TMTC2: variants seen among roughly 807,000 people sequenced by gnomAD.
TMTC2 encodes the protein protein O-mannosyl-transferase TMTC2.
TMTC2 carries 43 observed loss-of-function variants against 82.4 expected under a neutral mutation model. The observed-to-expected ratio is 0.52, with a 90% CI of 0.41 to 0.67. TMTC2 has a LOEUF of 0.67. Ranked by LOEUF, TMTC2 falls within the 30% of genes least tolerant of loss-of-function variation. The pLI is 0.00. For synonymous variants in TMTC2, 408 were observed against 381.9 expected (o/e 1.07, Z -0.80); for missense variants, 919 against 1,012.4 (o/e 0.91, Z 1.25).
chr12:82,749,493 T>TA (rs1875865324), intron 1 of TMTC2, among the ~76,000 whole-genome samples: 3 of 152,114 alleles, frequency 2.0e-5, no homozygotes, highest in Non-Finnish European at 2.9e-5. Flanking sequence ...TGATGCTTTT[T>TA]TGTTTTTTTT....
chr12:82,875,046 T>C (rs1872412101), intron 2 of TMTC2, among the ~76,000 whole-genome samples: 1 of 152,188 alleles, frequency 6.6e-6, no homozygotes, highest in South Asian at 2.1e-4. Flanking sequence ...GTGAGGGCCA[T>C]ATGGAGTTTA....
chr12:82,783,263 G>C (rs780120514), intron 1 of TMTC2, among the ~76,000 whole-genome samples: 3 of 131,814 alleles, frequency 2.3e-5, no homozygotes, highest in African/African-American at 5.9e-5. Context: ...TTTTTTTGTA[G>C]CTGTTTTAAC....
intron 1 of TMTC2, among the ~76,000 whole-genome samples, chr12:82,784,950 G>A (rs1309427042): frequency 6.6e-6 from 1 of 152,018 alleles, no homozygotes; most frequent in Non-Finnish European, 1.5e-5. Flanking sequence ...TCAGAAAATA[G>A]CTTAGTTTAC....
intron 3 of TMTC2, among the ~76,000 whole-genome samples, chr12:82,929,243 G>A (rs918147820): frequency 3.3e-5 from 5 of 151,738 alleles, no homozygotes; most frequent in East Asian, 1.9e-4. Flanking sequence ...TTGTTGAGAC[G>A]AGGTTTCACC....
intron 1 of TMTC2, among the ~76,000 whole-genome samples, chr12:82,727,096 T>C (rs1366863803): frequency 1.3e-5 from 2 of 151,484 alleles, no homozygotes; most frequent in African/African-American, 2.4e-5. Context: ...GTTGGAACTT[T>C]AAAACTAATT....
At chr12:82,934,082 A>G (rs1227207560) in intron 4 of TMTC2, among the ~76,000 whole-genome samples, 1 of 152,172 alleles carries the variant, frequency 6.6e-6, no homozygotes, top group Non-Finnish European at 1.5e-5. Context: ...ATATGTTATC[A>G]TAGCTTTTCT....
At chr12:82,814,187 C>G (rs1357941169) in intron 1 of TMTC2, among the ~76,000 whole-genome samples, 1 of 152,104 alleles carries the variant, frequency 6.6e-6, no homozygotes, top group Non-Finnish European at 1.5e-5. Flanking sequence ...TTATTAACCA[C>G]TCTGTTAAGT....
At chr12:83,077,462 A>C (rs1883317342) in intron 11 of TMTC2, among the ~76,000 whole-genome samples, 1 of 152,238 alleles carries the variant, frequency 6.6e-6, no homozygotes, top group South Asian at 2.1e-4. Context: ...CAGGTTTATA[A>C]GGATGTCTTC....
intron 1 of TMTC2, among the ~76,000 whole-genome samples, chr12:82,844,422 G>T (rs1870515335): frequency 6.6e-6 from 1 of 152,122 alleles, no homozygotes; most frequent in Non-Finnish European, 1.5e-5. Context: ...TATACCTTTT[G>T]TTCTGCAAAA....
chr12:82,906,581 C>T (rs1366146086), intron 3 of TMTC2, among the ~76,000 whole-genome samples: 1 of 151,942 alleles, frequency 6.6e-6, no homozygotes, highest in Admixed American at 6.6e-5. Context: ...CTCAGCTACT[C>T]GGGAGGCTGA....
In TMTC2 at chr12:82,901,983, G is replaced by T. The variant is rs190675773; in HGVS notation, c.1483+5337G>T. ...CTCTCTGGGCTACTACCTTCACCAA[G>T]TGTTTCTTCTCTTTCCTTATGTCCC... is the stretch of plus-strand genomic sequence containing the variant. On this transcript the variant is annotated intron_variant, in intron 3 of 11. Transcript: ENST00000321196. 2.9e-3 allele frequency among the ~76,000 whole-genome samples: 436 copies of T among 152,272 alleles called. 3 individuals carry two copies. Among genetic ancestry groups the T allele is most frequent in the African/African-American group, 0.01 (423 of 41,562 alleles).
rs57812954 is a variant in TMTC2, at chr12:82,766,336, AG to A, written c.83+78668del. 3.1e-3 allele frequency among the ~76,000 whole-genome samples: 472 copies of A among 152,278 alleles called. 2 individuals carry two copies. The highest frequency in any genetic ancestry group is 0.011 in the African/African-American group (452 of 41,550). ...TCCTAGGGAGAATTCCAATGAGCTAAGTTACTGTGTCTCTCCCAGGTTCCTG... is the reference window on the plus strand; with the variant it reads ...TCCTAGGGAGAATTCCAATGAGCTAATTACTGTGTCTCTCCCAGGTTCCTG... On this transcript the variant is annotated intron_variant, in intron 1 of 11. Transcript: ENST00000321196.
At chr12:82,982,056 A>G (rs1878941863) in intron 7 of TMTC2, among the ~76,000 whole-genome samples, 1 of 151,184 alleles carries the variant, frequency 6.6e-6, no homozygotes, top group African/African-American at 2.4e-5. Context: ...TCTCTGAAGC[A>G]TAGTCAGTTC....
chr12:83,091,111 C>T (rs1239358406), intron 11 of TMTC2, among the ~76,000 whole-genome samples: 4 of 152,178 alleles, frequency 2.6e-5, no homozygotes, highest in Non-Finnish European at 5.9e-5. Context: ...TTTGCCCTCA[C>T]TTCATGCTGT....
chr12:82,817,156 A>G (rs984142773), intron 1 of TMTC2, among the ~76,000 whole-genome samples: 15 of 151,700 alleles, frequency 9.9e-5, no homozygotes, highest in Non-Finnish European at 4.4e-5. Context: ...TTTAGGAGAG[A>G]TGGGGTTTCA....
chr12:82,918,301 C>T (rs368697295), intron 3 of TMTC2, among the ~76,000 whole-genome samples: 11 of 152,134 alleles, frequency 7.2e-5, no homozygotes, highest in Non-Finnish European at 1.0e-4. Context: ...CTTTTGCAGA[C>T]GGTTTGTGAT....
chr12:82,720,193 C>T (rs1178407272), intron 1 of TMTC2, among the ~76,000 whole-genome samples: 1 of 152,070 alleles, frequency 6.6e-6, no homozygotes, highest in African/African-American at 2.4e-5. Flanking sequence ...CTAAAAGAAA[C>T]CCTGTATCTT....
chr12:82,771,164 G>A (rs946659023), intron 1 of TMTC2, among the ~76,000 whole-genome samples: 4 of 147,288 alleles, frequency 2.7e-5, no homozygotes, highest in Admixed American at 6.9e-5. Context: ...CCGAGATCAC[G>A]CCACTGCACT....
At chr12:82,785,089 G>T (rs1878110234) in intron 1 of TMTC2, among the ~76,000 whole-genome samples, 1 of 152,078 alleles carries the variant, frequency 6.6e-6, no homozygotes, top group South Asian at 2.1e-4. Flanking sequence ...ATGTAGTCAT[G>T]TATAGGATTC....
Sources: allele counts gnomAD v4.1 joint callset (sites outside exome capture counted in the v4.1 genomes callset), GRCh38; gene constraint gnomAD v4.1.1; transcripts MANE v1.5; gene names NCBI Gene and HGNC (gene_info 2026-07-23, HGNC 2026-07-21).